Variants in RASEF observed in about 807,000 individuals in gnomAD.
RASEF encodes the protein RAS and EF-hand domain containing.
Under a neutral mutation model 90.1 loss-of-function variants are expected in RASEF, and 68 were observed. That is an observed-to-expected ratio of 0.75 (90% CI 0.62 to 0.92). The LOEUF is 0.92. RASEF is among the 40% of genes least tolerant of loss of function. The probability of loss-of-function intolerance (pLI) is 0.00; values close to 1 mark genes in which losing one functional copy is unlikely to be tolerated. For missense variants in RASEF, 949 were observed against 937.2 expected, an observed-to-expected ratio of 1.01 and a Z score of -0.16; for synonymous variants, 331 against 345.2, an observed-to-expected ratio of 0.96 and a Z score of 0.46.
At chr9:83,028,160 T>C (rs1829581385) in intron 1 of RASEF, among the ~76,000 whole-genome samples, 1 of 152,152 alleles carries the variant, frequency 6.6e-6, no homozygotes. Flanking sequence ...TCCAGAAATG[T>C]TGGGGATAGC....
the RASEF span, among the ~76,000 whole-genome samples, chr9:83,215,256 T>A: frequency 8.1e-3 from 1,228 of 152,170 alleles, 15 homozygotes; most frequent in African/African-American, 0.028. Flanking sequence ...TTCAAGCCCA[T>A]GTGTGACCCG....
the RASEF span, among the ~76,000 whole-genome samples, chr9:83,149,156 G>A: frequency 3.9e-5 from 6 of 152,204 alleles, no homozygotes; most frequent in Non-Finnish European, 8.8e-5. Flanking sequence ...GAAAGAGCCT[G>A]CTCCCAGGTG....
At chr9:83,048,806 A>C in intron 1 of RASEF, 1 of 954,716 alleles carries the variant, frequency 1.0e-6, no homozygotes, top group Middle Eastern at 5.4e-4. Flanking sequence ...AATATTTCTC[A>C]TACTTGATTA....
the RASEF span, among the ~76,000 whole-genome samples, chr9:83,131,336 A>T: frequency 6.6e-6 from 1 of 152,224 alleles, no homozygotes; most frequent in Non-Finnish European, 1.5e-5. Flanking sequence ...AGGTTGTTAG[A>T]GAAGAGGAGG....
intron 7 of RASEF, among the ~76,000 whole-genome samples, chr9:83,006,899 C>A (rs1328601976): frequency 6.6e-6 from 1 of 151,998 alleles, no homozygotes. Flanking sequence ...CGAGACCATC[C>A]TGGCTAACAA....
At chr9:82,994,170 G>A (rs1285642941) in intron 14 of RASEF, among the ~76,000 whole-genome samples, 2 of 152,104 alleles carry the variant, frequency 1.3e-5, no homozygotes, top group Non-Finnish European at 2.9e-5. Flanking sequence ...AGGCTCCAGA[G>A]TGTAATAAAA....
At chr9:83,055,354 C>T in intron 1 of RASEF, 2 of 453,624 alleles carry the variant, frequency 4.4e-6, no homozygotes, top group Non-Finnish European at 8.1e-6. Flanking sequence ...AGGGAACTCC[C>T]TGACCCCTTG....
chr9:83,153,823 C>A, the RASEF span, among the ~76,000 whole-genome samples: 1 of 152,224 alleles, frequency 6.6e-6, no homozygotes, highest in Non-Finnish European at 1.5e-5. Flanking sequence ...CGTTCCCTGG[C>A]AGCCCATATG....
At chr9:83,169,797 T>C in the RASEF span, among the ~76,000 whole-genome samples, 1 of 152,072 alleles carries the variant, frequency 6.6e-6, no homozygotes, top group South Asian at 2.1e-4. Flanking sequence ...AGATTATTTA[T>C]CATTTTGCTA....
At chr9:83,018,403 T>C (rs1243077604) in intron 3 of RASEF, among the ~76,000 whole-genome samples, 2 of 152,106 alleles carry the variant, frequency 1.3e-5, no homozygotes, top group Non-Finnish European at 2.9e-5. Context: ...TGAGTATATC[T>C]AAGATGTACA....
At chr9:83,046,358 T>A (rs1376588948) in intron 1 of RASEF, among the ~76,000 whole-genome samples, 1 of 152,182 alleles carries the variant, frequency 6.6e-6, no homozygotes, top group African/African-American at 2.4e-5. Context: ...GAAGTATAGA[T>A]ATCGAGTTGT....
chr9:83,095,024 A>G, the RASEF span, among the ~76,000 whole-genome samples: 12 of 152,166 alleles, frequency 7.9e-5, no homozygotes, highest in Non-Finnish European at 1.3e-4. Context: ...AGAGAGGCCT[A>G]TTAGTTCCAA....
At chr9:83,182,323 G>A in the RASEF span, among the ~76,000 whole-genome samples, 1 of 152,076 alleles carries the variant, frequency 6.6e-6, no homozygotes, top group African/African-American at 2.4e-5. Flanking sequence ...CACAAAAACT[G>A]GAATCTTTGA....
At chr9:82,992,228 T>G (rs1175383292) in intron 15 of RASEF, among the ~76,000 whole-genome samples, 4 of 152,212 alleles carry the variant, frequency 2.6e-5, no homozygotes, top group African/African-American at 7.2e-5. Flanking sequence ...ATTAATTTAT[T>G]TGACCCAAAG....
At chr9:83,144,185 G>T in the RASEF span, among the ~76,000 whole-genome samples, 1 of 151,604 alleles carries the variant, frequency 6.6e-6, no homozygotes, top group South Asian at 2.1e-4. Context: ...GGGGACAGGG[G>T]AAGGGAGGCA....
At chr9:83,156,956 T>A in the RASEF span, among the ~76,000 whole-genome samples, 2,539 of 152,344 alleles carry the variant, frequency 0.017, 68 homozygotes, top group African/African-American at 0.058. Flanking sequence ...TCCCCAACAC[T>A]TTCCAGATGA....
the RASEF span, among the ~76,000 whole-genome samples, chr9:83,207,571 T>C: frequency 6.7e-6 from 1 of 149,770 alleles, no homozygotes; most frequent in African/African-American, 2.5e-5. Flanking sequence ...TAGATCAAAC[T>C]GCCTCAGAGT....
chr9:83,017,406 A>AG (rs1357077069), intron 3 of RASEF, among the ~76,000 whole-genome samples: 1 of 151,654 alleles, frequency 6.6e-6, no homozygotes, highest in Non-Finnish European at 1.5e-5. Context: ...AGGCTGAGGC[A>AG]GGAGAATGGC....
chr9:83,030,364 A>C (rs1388320860), intron 1 of RASEF, among the ~76,000 whole-genome samples: 1 of 152,104 alleles, frequency 6.6e-6, no homozygotes, highest in Non-Finnish European at 1.5e-5. Flanking sequence ...CACAAAAAAA[A>C]AAAAAAGATA....
Sources: allele counts gnomAD v4.1 joint callset (sites outside exome capture counted in the v4.1 genomes callset), GRCh38; gene constraint gnomAD v4.1.1; transcripts MANE v1.5; gene names NCBI Gene and HGNC (gene_info 2026-07-23, HGNC 2026-07-21).